Variants in NSFL1C observed in about 807,000 individuals in gnomAD.
The protein encoded by NSFL1C is NSFL1 cofactor, also known as NSFL1 cofactor p47.
In NSFL1C, 14 loss-of-function variants were observed where a neutral mutation model predicts 43.1. The observed-to-expected ratio is 0.32, with a 90% CI of 0.21 to 0.51. The LOEUF is 0.51. Ranked by LOEUF, NSFL1C falls within the 20% of genes least tolerant of loss-of-function variation. The pLI is 0.98. For synonymous variants in NSFL1C, 171 were observed against 183.5 expected, an observed-to-expected ratio of 0.93 and a Z score of 0.55; for missense variants, 406 against 472.5, an observed-to-expected ratio of 0.86 and a Z score of 1.30.
intron 2 of NSFL1C, among the ~76,000 whole-genome samples, chr20:1,462,315 C>T (rs1457302827): frequency 6.6e-6 from 1 of 152,122 alleles, no homozygotes; most frequent in Non-Finnish European, 1.5e-5. Flanking sequence ...CTAGCATTTG[C>T]TTTCCTCCTC....
rs6891 is a variant in NSFL1C at position 1,443,658 on chromosome 20, G to A, written c.*91C>T. ...GAGACGTTGCACTGGACTGCTGGGT[G>A]TGCACAAGGGGGCAGGAGGGGCGAT... On this transcript the variant is annotated 3_prime_UTR_variant, in exon 9 of 9. Coordinates refer to ENST00000216879, the MANE Select transcript of NSFL1C (RefSeq NM_016143.5). 586,503 of 1,373,704 alleles carry A rather than the reference G, an allele frequency of 0.43. 129,487 individuals are homozygous for A. Among genetic ancestry groups the A allele is most frequent in the East Asian group, 0.74 (31,769 of 42,860 alleles). The allele number at this position is 1,373,704 out of a possible 1,614,324, so 85.1% of individuals were successfully genotyped here.
In NSFL1C at chr20:1,447,277, A is replaced by T. The variant is rs549870732; in HGVS notation, c.786-1447T>A. Reference sequence around the variant, plus strand: ...TAGGCCACAAGAGTTGATTGGAAATAGTGAATAGGTAAATCTCATATACCT... The same window carrying T: ...TAGGCCACAAGAGTTGATTGGAAATTGTGAATAGGTAAATCTCATATACCT... On this transcript the variant is annotated intron_variant, in intron 7 of 8. Transcript: ENST00000216879. Among the ~76,000 whole-genome samples, 4 of 152,206 alleles carry T rather than the reference A, an allele frequency of 2.6e-5. 1 individual carries two copies. In the South Asian group the frequency reaches 8.3e-4, roughly 32 times the overall value.
chr20:1,449,227 T>C (rs534207058), intron 7 of NSFL1C, among the ~76,000 whole-genome samples: 93 of 151,944 alleles, frequency 6.1e-4, no homozygotes, highest in Non-Finnish European at 1.0e-3. Context: ...GCTAACAACA[T>C]AAAACACTCG....
intron 1 of NSFL1C, 130 bp downstream of exon 1, chr20:1,466,590 C>T (rs1040542296): frequency 3.7e-5 from 31 of 829,172 alleles, no homozygotes; most frequent in Non-Finnish European, 5.6e-5. Context: ...GTCCCGGGAC[C>T]ATGAGGCCTG....
rs1169195227 is a variant in NSFL1C, at chr20:1,443,744, G to A, written c.*5C>T. 1 of 1,613,110 alleles carries A rather than the reference G, an allele frequency of 6.2e-7. No homozygotes were observed. ...AGGAGGGAGGCCAGGCAGCTGGCTG[G>A]GCGGTTATGTTAACCGCTGCACGAT... On this transcript the variant is annotated 3_prime_UTR_variant, in exon 9 of 9. Coordinates refer to ENST00000216879, the MANE Select transcript of NSFL1C (RefSeq NM_016143.5).
chr20:1,466,461 C>A (rs2090514222), intron 1 of NSFL1C, among the ~76,000 whole-genome samples: 1 of 152,216 alleles, frequency 6.6e-6, no homozygotes, highest in South Asian at 2.1e-4. Context: ...TGCCGCAGCG[C>A]CCGAAGTCTC....
chr20:1,458,333 T>G, intron 2 of NSFL1C, 59 bp from the exon 3 acceptor site: 1 of 1,420,364 alleles, frequency 7.0e-7, no homozygotes, highest in Non-Finnish European at 1.0e-6. Flanking sequence ...GTAACCCTCA[T>G]CACCAGCTGC....
intron 5 of NSFL1C, 27 bp downstream of exon 5, chr20:1,454,186 C>T (rs1371779619): frequency 1.3e-6 from 2 of 1,572,048 alleles, no homozygotes; most frequent in Admixed American, 1.7e-5. Context: ...CCACAAGCTT[C>T]CCTCATGGGA....
chr20:1,462,617 G>A (rs1331333495), intron 2 of NSFL1C, among the ~76,000 whole-genome samples: 2 of 152,014 alleles, frequency 1.3e-5, no homozygotes, highest in East Asian at 3.9e-4. Flanking sequence ...CGCCCCCCGG[G>A]TTCACGCCAT....
At chr20:1,461,320 G>A (rs1376019138) in intron 2 of NSFL1C, among the ~76,000 whole-genome samples, 2 of 152,214 alleles carry the variant, frequency 1.3e-5, no homozygotes, top group Non-Finnish European at 2.9e-5. Context: ...CTGGAGTTCT[G>A]TGGAACAGAA....
chr20:1,460,655 C>A (rs2090390993), intron 2 of NSFL1C, among the ~76,000 whole-genome samples: 1 of 152,222 alleles, frequency 6.6e-6, no homozygotes, highest in African/African-American at 2.4e-5. Context: ...CTCTGCCTCT[C>A]TGTGATGATG....
intron 1 of NSFL1C, among the ~76,000 whole-genome samples, chr20:1,465,473 T>C (rs1477639845): frequency 6.6e-6 from 1 of 152,140 alleles, no homozygotes; most frequent in Non-Finnish European, 1.5e-5. Context: ...ACTGTGTGCT[T>C]TTAGGTCTTT....
At chr20:1,445,597 C>A (rs910583474) in intron 8 of NSFL1C, 69 bp downstream of exon 8, 2 of 1,548,546 alleles carry the variant, frequency 1.3e-6, no homozygotes, top group African/African-American at 2.7e-5. Context: ...CGGCTCTCTG[C>A]TTCCCACACA....
chr20:1,447,757 A>ATCTAT (rs140637194), intron 7 of NSFL1C, among the ~76,000 whole-genome samples: 56,230 of 151,764 alleles, frequency 0.37, 11,651 homozygotes, highest in African/African-American at 0.55. Context: ...AATAGCTGAT[A>ATCTAT]TCAGTTAAGG....
At chr20:1,455,166 T>C (rs1298448612) in intron 3 of NSFL1C, 34 bp from the exon 4 acceptor site, 2 of 1,613,028 alleles carry the variant, frequency 1.2e-6, no homozygotes, top group South Asian at 2.2e-5. Flanking sequence ...CATGAAACAC[T>C]CATGGAAAAC....
intron 2 of NSFL1C, among the ~76,000 whole-genome samples, chr20:1,460,195 G>A (rs140423322): frequency 2.0e-5 from 3 of 152,274 alleles, no homozygotes; most frequent in South Asian, 2.1e-4. Context: ...ACTGATGCAC[G>A]GAAAGTCTTT....
intron 4 of NSFL1C, 83 bp from the exon 5 acceptor site, chr20:1,454,388 G>C (rs1599952248): frequency 1.0e-6 from 1 of 966,332 alleles, no homozygotes; most frequent in South Asian, 1.4e-5. Context: ...ATATATCTTA[G>C]GTAAGAGGAA....
chr20:1,449,834 C>T (rs2090147781), intron 7 of NSFL1C, among the ~76,000 whole-genome samples: 2 of 152,092 alleles, frequency 1.3e-5, no homozygotes, highest in African/African-American at 2.4e-5. Flanking sequence ...CAAAAATAAC[C>T]ACTACAGAAG....
At chr20:1,466,431 C>T (rs2090512833) in intron 1 of NSFL1C, among the ~76,000 whole-genome samples, 2 of 152,344 alleles carry the variant, frequency 1.3e-5, no homozygotes, top group South Asian at 4.1e-4. Flanking sequence ...CGCCCCCAGG[C>T]GCTCCCTCTC....
Sources: allele counts gnomAD v4.1 joint callset (sites outside exome capture counted in the v4.1 genomes callset), GRCh38; gene constraint gnomAD v4.1.1; transcripts MANE v1.5; gene names NCBI Gene and HGNC (gene_info 2026-07-23, HGNC 2026-07-21).